Variants in CDYL2 observed in about 807,000 individuals in gnomAD.
CDYL2 encodes chromodomain Y like 2, also known as chromodomain Y-like protein 2.
A neutral mutation model predicts 49.4 loss-of-function variants in CDYL2; 23 were observed. The ratio of observed to expected loss-of-function variants is 0.47; its 90% CI spans 0.34 to 0.66. The LOEUF (loss-of-function observed/expected upper bound fraction) is 0.66, where lower values mean the gene tolerates loss of function less well. Ranked by LOEUF, CDYL2 falls within the 30% of genes least tolerant of loss-of-function variation. CDYL2 has a pLI of 0.01. For missense variants in CDYL2, 678 were observed against 656.4 expected (o/e 1.03, Z -0.36); for synonymous variants, 360 against 268.8 (o/e 1.34, Z -3.32).
chr16:80,638,247 T>G (rs1907927743), intron 2 of CDYL2, among the ~76,000 whole-genome samples: 1 of 152,134 alleles, frequency 6.6e-6, no homozygotes, highest in Admixed American at 6.6e-5. Context: ...GCTATTTTAT[T>G]ATTTTTCGCA....
intron 1 of CDYL2, among the ~76,000 whole-genome samples, chr16:80,776,044 A>G (rs1907071814): frequency 6.6e-6 from 1 of 152,000 alleles, no homozygotes; most frequent in African/African-American, 2.4e-5. Context: ...GTTATATGCA[A>G]CAAAAAAACA....
At position 80,770,548 on chromosome 16, in the gene CDYL2, G is replaced by A. The variant is rs1045453203; in HGVS notation, c.24+33602C>T. On this transcript the variant is annotated intron_variant, in intron 1 of 6. Coordinates refer to ENST00000570137, the MANE Select transcript of CDYL2 (RefSeq NM_152342.4). ...AGTATACCACCCATATATTTTTCCT[G>A]CCCACAAAAAAAAATAGAATTATAC... is the stretch of plus-strand genomic sequence containing the variant. Among the ~76,000 whole-genome samples, 3 of 151,654 alleles carry A rather than the reference G, an allele frequency of 2.0e-5. 1 individual carries two copies. Among genetic ancestry groups the A allele is most frequent in the Non-Finnish European group, 4.4e-5 (3 of 67,946 alleles).
At chr16:80,702,266 T>C (rs1256925983) in intron 1 of CDYL2, among the ~76,000 whole-genome samples, 1 of 151,846 alleles carries the variant, frequency 6.6e-6, no homozygotes, top group Non-Finnish European at 1.5e-5. Context: ...GACAGCCATC[T>C]CATTTTTCAT....
intron 1 of CDYL2, among the ~76,000 whole-genome samples, chr16:80,780,861 T>G (rs542578851): frequency 6.6e-6 from 1 of 152,088 alleles, no homozygotes; most frequent in Non-Finnish European, 1.5e-5. Flanking sequence ...ATGAGAAAAC[T>G]GGAAAAAAAG....
intron 3 of CDYL2, among the ~76,000 whole-genome samples, chr16:80,631,264 C>A (rs1315028413): frequency 6.6e-6 from 1 of 152,174 alleles, no homozygotes; most frequent in Non-Finnish European, 1.5e-5. Context: ...AGATAAACAG[C>A]AAATACAAGG....
intron 2 of CDYL2, among the ~76,000 whole-genome samples, chr16:80,645,339 C>T (rs779904141): frequency 1.3e-5 from 2 of 151,776 alleles, no homozygotes; most frequent in Non-Finnish European, 2.9e-5. Context: ...TGAACACACA[C>T]TTCTCAAAAG....
intron 1 of CDYL2, among the ~76,000 whole-genome samples, chr16:80,714,201 T>A (rs771314614): frequency 3.9e-5 from 6 of 152,172 alleles, no homozygotes; most frequent in Non-Finnish European, 2.9e-5. Context: ...GCTTGACCCT[T>A]GACACTAAGC....
intron 1 of CDYL2, among the ~76,000 whole-genome samples, chr16:80,704,055 T>C (rs1465944097): frequency 6.6e-6 from 1 of 152,096 alleles, no homozygotes; most frequent in Admixed American, 6.5e-5. Flanking sequence ...CAGTAAAAAC[T>C]CCACTACCTG....
At chr16:80,777,734 T>C (rs1907135051) in intron 1 of CDYL2, among the ~76,000 whole-genome samples, 1 of 152,046 alleles carries the variant, frequency 6.6e-6, no homozygotes, top group Non-Finnish European at 1.5e-5. Flanking sequence ...ACACAAAGTA[T>C]CATAACCAAC....
intron 2 of CDYL2, among the ~76,000 whole-genome samples, chr16:80,645,197 C>G (rs1338262567): frequency 2.0e-5 from 3 of 152,166 alleles, no homozygotes; most frequent in African/African-American, 7.2e-5. Context: ...TCAGAGTGAA[C>G]AGGCCACCTA....
chr16:80,786,668 C>A (rs921516793), intron 1 of CDYL2, among the ~76,000 whole-genome samples: 1 of 151,978 alleles, frequency 6.6e-6, no homozygotes, highest in Non-Finnish European at 1.5e-5. Flanking sequence ...TTGGAACCAA[C>A]CCAAATGTCC....
At chr16:80,693,334 A>G (rs1910493387) in intron 1 of CDYL2, among the ~76,000 whole-genome samples, 1 of 152,240 alleles carries the variant, frequency 6.6e-6, no homozygotes, top group Non-Finnish European at 1.5e-5. Flanking sequence ...AGAAATAAAA[A>G]GAGGAAATAT....
At chr16:80,632,355 G>A (rs1009364500) in intron 3 of CDYL2, among the ~76,000 whole-genome samples, 3 of 152,128 alleles carry the variant, frequency 2.0e-5, no homozygotes, top group Non-Finnish European at 2.9e-5. Context: ...CAAACTGTCC[G>A]GAATAGGCAA....
intron 2 of CDYL2, among the ~76,000 whole-genome samples, chr16:80,678,018 C>G (rs1909824519): frequency 1.3e-5 from 2 of 151,708 alleles, no homozygotes; most frequent in Admixed American, 6.6e-5. Flanking sequence ...GGAAAGGATT[C>G]CCTATTTAAT....
chr16:80,771,536 T>A (rs953639140), intron 1 of CDYL2, among the ~76,000 whole-genome samples: 2 of 152,146 alleles, frequency 1.3e-5, no homozygotes, highest in African/African-American at 2.4e-5. Context: ...AAACCCCGTA[T>A]CTACCAAAAA....
At chr16:80,798,815 G>GCATA (rs3081242) in intron 1 of CDYL2, among the ~76,000 whole-genome samples, 130,220 of 151,672 alleles carry the variant, frequency 0.86, 55,905 homozygotes, top group South Asian at 0.9. Flanking sequence ...AGTAAGATAT[G>GCATA]CAAATACATA....
chr16:80,754,342 T>C (rs954899501), intron 1 of CDYL2, among the ~76,000 whole-genome samples: 1 of 152,170 alleles, frequency 6.6e-6, no homozygotes, highest in African/African-American at 2.4e-5. Flanking sequence ...TTCTGGGGGC[T>C]GGGTGGACAA....
intron 1 of CDYL2, among the ~76,000 whole-genome samples, chr16:80,752,838 C>A (rs1409060672): frequency 3.3e-5 from 5 of 152,260 alleles, no homozygotes; most frequent in South Asian, 2.1e-4. Context: ...AAGATGTGCA[C>A]AATCAACTCT....
intron 1 of CDYL2, 111 bp downstream of exon 1, chr16:80,804,039 G>A: frequency 1.3e-6 from 1 of 794,138 alleles, no homozygotes. Context: ...CGCGGGCTCG[G>A]CAACTCCGGA....
Sources: gnomAD v4.1 joint callset for allele counts (sites outside exome capture counted in the v4.1 genomes callset) on GRCh38, gnomAD v4.1.1 for gene constraint, MANE v1.5 for transcripts, NCBI Gene and HGNC (gene_info 2026-07-23, HGNC 2026-07-21) for gene names.